The following MGMT variants were observed in gnomAD, a reference collection of about 807,000 sequenced individuals.
The protein encoded by MGMT is O-6-methylguanine-DNA methyltransferase.
A neutral mutation model predicts 15.9 loss-of-function variants in MGMT; 14 were observed. That is an observed-to-expected ratio of 0.88 (90% CI 0.58 to 1.37). MGMT has a LOEUF of 1.37. Ranked by LOEUF, MGMT falls within the 40% of genes most tolerant of loss-of-function variation. The probability of loss-of-function intolerance (pLI) is 0.00; values close to 1 mark genes in which losing one functional copy is unlikely to be tolerated. For missense variants in MGMT, 282 were observed against 268.1 expected (o/e 1.05, Z -0.36); for synonymous variants, 130 against 118.2 (o/e 1.10, Z -0.65).
chr10:129,557,685 G>A (rs1221522066), intron 2 of MGMT, among the ~76,000 whole-genome samples: 1 of 152,110 alleles, frequency 6.6e-6, no homozygotes, highest in East Asian at 1.9e-4. Flanking sequence ...TTTTTAGCTA[G>A]AACAGGAACC....
Position 129,560,026 on chromosome 10 carries a change from G to A in MGMT, c.125+23649G>A, listed in dbSNP as rs367892991. Among the ~76,000 whole-genome samples, 9 of 152,236 alleles carry A rather than the reference G, an allele frequency of 5.9e-5. No individual in the cohort carries two copies. In the East Asian group the frequency reaches 9.6e-4, roughly 16 times the overall value. ...TCATTTAACTCCACTAATAAGAAAC[G>A]GAGCAAAAGTGGAATTATGAGTTCA... is the stretch of plus-strand genomic sequence containing the variant. On this transcript the variant is annotated intron_variant, in intron 2 of 4. Coordinates refer to ENST00000651593, the MANE Select transcript of MGMT (RefSeq NM_002412.5).
intron 2 of MGMT, among the ~76,000 whole-genome samples, chr10:129,692,326 G>C (rs1006021138): frequency 6.6e-6 from 1 of 152,150 alleles, no homozygotes. Context: ...AGAAAAGCTC[G>C]GGGCAGTATG....
At chr10:129,709,766 G>A (rs1848209482) in intron 3 of MGMT, among the ~76,000 whole-genome samples, 2 of 152,306 alleles carry the variant, frequency 1.3e-5, no homozygotes, top group Non-Finnish European at 2.9e-5. Context: ...GTCATATGGT[G>A]GCCCTGGCCA....
At chr10:129,749,336 G>A (rs1385262164) in intron 3 of MGMT, among the ~76,000 whole-genome samples, 1 of 152,062 alleles carries the variant, frequency 6.6e-6, no homozygotes, top group African/African-American at 2.4e-5. Context: ...TCTTTTTTCT[G>A]TCTATATAGT....
chr10:129,541,882 C>T (rs1263403644), intron 2 of MGMT, among the ~76,000 whole-genome samples: 1 of 152,120 alleles, frequency 6.6e-6, no homozygotes, highest in Non-Finnish European at 1.5e-5. Context: ...GGCATCTGGC[C>T]CAGCCAGCCC....
intron 3 of MGMT, among the ~76,000 whole-genome samples, chr10:129,708,527 G>A (rs907688050): frequency 6.6e-6 from 1 of 152,174 alleles, no homozygotes; most frequent in Non-Finnish European, 1.5e-5. Context: ...ACGTACCAGA[G>A]TTAGACATAT....
At chr10:129,718,777 C>G (rs1848331558) in intron 3 of MGMT, among the ~76,000 whole-genome samples, 1 of 152,222 alleles carries the variant, frequency 6.6e-6, no homozygotes, top group African/African-American at 2.4e-5. Flanking sequence ...TGTCACCTTT[C>G]TGAGATGTCT....
intron 2 of MGMT, among the ~76,000 whole-genome samples, chr10:129,632,730 A>G (rs1431330578): frequency 6.6e-6 from 1 of 152,186 alleles, no homozygotes; most frequent in African/African-American, 2.4e-5. Flanking sequence ...TTGTGGACCC[A>G]GTCACATACC....
chr10:129,740,452 A>G (rs546688883), intron 3 of MGMT, among the ~76,000 whole-genome samples: 1 of 152,336 alleles, frequency 6.6e-6, no homozygotes, highest in Non-Finnish European at 1.5e-5. Context: ...AGAATGCCTT[A>G]CGAAGGGGGA....
At chr10:129,493,418 T>C (rs36052181) in intron 1 of MGMT, among the ~76,000 whole-genome samples, 15,680 of 152,244 alleles carry the variant, frequency 0.1, 989 homozygotes, top group Non-Finnish European at 0.13. Context: ...CGATTCTCTT[T>C]GGATTGCCCC....
At chr10:129,707,060 G>A (rs1021463665) in intron 2 of MGMT, among the ~76,000 whole-genome samples, 1 of 152,076 alleles carries the variant, frequency 6.6e-6, no homozygotes, top group Non-Finnish European at 1.5e-5. Context: ...TCAGGAGTTC[G>A]AGACCAGCCT....
chr10:129,499,144 T>C (rs1845551264), intron 1 of MGMT, among the ~76,000 whole-genome samples: 1 of 152,234 alleles, frequency 6.6e-6, no homozygotes, highest in Admixed American at 6.5e-5. Context: ...TCATTGTGTT[T>C]CAGCCACTAG....
intron 1 of MGMT, among the ~76,000 whole-genome samples, chr10:129,524,128 A>G (rs7910339): frequency 0.15 from 22,964 of 152,028 alleles, 2,615 homozygotes; most frequent in African/African-American, 0.33. Context: ...CTGAAACCAA[A>G]AGAGTGGCTG....
At chr10:129,763,993 A>G (rs1442192599) in intron 4 of MGMT, among the ~76,000 whole-genome samples, 2 of 152,200 alleles carry the variant, frequency 1.3e-5, no homozygotes, top group African/African-American at 4.8e-5. Flanking sequence ...CTCATCGTCA[A>G]ATTAGGATGA....
rs114552347 is a variant in MGMT at position 129,602,583 on chromosome 10, G to A, written c.125+66206G>A. The stretch of plus-strand genomic sequence containing the variant: ...AAGCAAAACAGATGGGCCGTGTGTC[G>A]TAGGATTTCCTGCTGTCCTTTCGGC... On this transcript the variant is annotated intron_variant, in intron 2 of 4. Coordinates refer to ENST00000651593, the MANE Select transcript of MGMT (RefSeq NM_002412.5). Among the ~76,000 whole-genome samples, 829 of 152,264 alleles carry A rather than the reference G, an allele frequency of 5.4e-3. 4 individuals are homozygous for A. The highest frequency in any genetic ancestry group is 0.019 in the African/African-American group (776 of 41,552).
At chr10:129,669,496 G>A (rs1246389069) in intron 2 of MGMT, among the ~76,000 whole-genome samples, 7 of 151,972 alleles carry the variant, frequency 4.6e-5, no homozygotes, top group African/African-American at 1.7e-4. Flanking sequence ...AATTTTATTT[G>A]AGCATTTGTA....
intron 3 of MGMT, among the ~76,000 whole-genome samples, chr10:129,711,756 GGA>G: frequency 6.6e-6 from 1 of 152,176 alleles, no homozygotes; most frequent in East Asian, 1.9e-4. Context: ...AGCTTTTTAA[GGA>G]GGTAATTTTT....
intron 2 of MGMT, among the ~76,000 whole-genome samples, chr10:129,552,312 G>T (rs1484214270): frequency 6.6e-6 from 1 of 152,178 alleles, no homozygotes; most frequent in African/African-American, 2.4e-5. Context: ...GCCCTCTGTG[G>T]CTTGAGCTGC....
rs1845443626 is a variant in MGMT, at chr10:129,489,300, C to G, written c.-13+22004C>G. 4.5e-5 allele frequency among the ~76,000 whole-genome samples: 6 copies of G among 132,750 alleles called. No homozygotes were observed. The South Asian group carries it at 1.4e-3, about 31-fold the overall frequency. The allele number at this position is 132,750 out of a possible 152,430, so 87.1% of individuals were successfully genotyped here. ...GCATGAACCCGGGAAGCGGAGGTTGCAGTGAGCTGAGATAGCGCCATTGCA... is the reference window on the plus strand; with the variant it reads ...GCATGAACCCGGGAAGCGGAGGTTGGAGTGAGCTGAGATAGCGCCATTGCA... On this transcript the variant is annotated intron_variant, in intron 1 of 4. Transcript: ENST00000651593.
Sources: gnomAD v4.1 joint callset for allele counts (sites outside exome capture counted in the v4.1 genomes callset) on GRCh38, gnomAD v4.1.1 for gene constraint, MANE v1.5 for transcripts, NCBI Gene and HGNC (gene_info 2026-07-23, HGNC 2026-07-21) for gene names.